ATG7: variants seen among roughly 807,000 people sequenced by gnomAD.
ATG7 encodes autophagy related 7.
Under a neutral mutation model 82.4 loss-of-function variants are expected in ATG7, and 70 were observed. That is an observed-to-expected ratio of 0.85 (90% confidence interval 0.70 to 1.04). The LOEUF (loss-of-function observed/expected upper bound fraction) is 1.04, where lower values mean the gene tolerates loss of function less well. ATG7 is among the 50% of genes least tolerant of loss of function. The pLI is 0.00. For synonymous variants in ATG7, 287 were observed against 313.0 expected (o/e 0.92, Z 0.88); for missense variants, 792 against 864.3 (o/e 0.92, Z 1.05).
chr3:11,416,978 A>G (rs1030281485), intron 19 of ATG7, among the ~76,000 whole-genome samples: 2 of 152,144 alleles, frequency 1.3e-5, no homozygotes, highest in African/African-American at 4.8e-5. Flanking sequence ...CCTTACATAT[A>G]TTGAGATATT....
rs112119821 is a variant in ATG7 at position 11,511,690 on chromosome 3, C to A, written c.2080-43121C>A. ...GCTCCGGCCGCACAGGAGCCCATGG[C>A]GGGGGTGGGAGGCTCAGGCATGGTG... On this transcript the variant is annotated intron_variant, in intron 20 of 20. Transcript: ENST00000693202. 3.1e-4 allele frequency among the ~76,000 whole-genome samples: 47 copies of A among 152,198 alleles called. No individual in the cohort carries two copies. The South Asian group carries it at 3.3e-3, about 11-fold the overall frequency.
chr3:11,382,717 C>T (rs2078006348), intron 19 of ATG7, among the ~76,000 whole-genome samples: 1 of 152,152 alleles, frequency 6.6e-6, no homozygotes, highest in South Asian at 2.1e-4. Context: ...AAAGAATTTC[C>T]TGTAGTGCAT....
At chr3:11,303,951 C>T (rs1213872770) in intron 5 of ATG7, among the ~76,000 whole-genome samples, 4 of 144,246 alleles carry the variant, frequency 2.8e-5, no homozygotes, top group Non-Finnish European at 3.0e-5. Context: ...ATTAGCCGGG[C>T]GTGGTGGCGG....
chr3:11,284,237 A>G (rs1236715791), intron 3 of ATG7, among the ~76,000 whole-genome samples: 2 of 152,148 alleles, frequency 1.3e-5, no homozygotes, highest in Non-Finnish European at 2.9e-5. Context: ...AAAATCCTAT[A>G]CTGGCTTGAT....
At chr3:11,451,847 C>CTT (rs1553675350) in intron 20 of ATG7, among the ~76,000 whole-genome samples, 1 of 148,906 alleles carries the variant, frequency 6.7e-6, no homozygotes, top group Non-Finnish European at 1.5e-5. Flanking sequence ...ATCTCTCTCT[C>CTT]TATATATATA....
rs150629792 is a variant in ATG7, at chr3:11,352,361, A to G, written c.1284+4326A>G. ...GCATGATTTATAATTCTTTGGGTAT[A>G]TACCCAGTAATGGGATGGTTGGGTC... On this transcript the variant is annotated intron_variant, in intron 14 of 20. Transcript: ENST00000693202. Among the ~76,000 whole-genome samples, 589 of 152,332 alleles carry G rather than the reference A, an allele frequency of 3.9e-3. 3 individuals are homozygous for G. Among genetic ancestry groups the G allele is most frequent in the Non-Finnish European group, 7.0e-3 (476 of 68,034 alleles).
At chr3:11,411,080 A>G (rs1481536955) in intron 19 of ATG7, among the ~76,000 whole-genome samples, 1 of 152,082 alleles carries the variant, frequency 6.6e-6, no homozygotes, top group African/African-American at 2.4e-5. Flanking sequence ...GTCTTTTTTT[A>G]TCGTCACATG....
At chr3:11,494,062 GTCT>G (rs1260500691) in intron 20 of ATG7, among the ~76,000 whole-genome samples, 1 of 152,242 alleles carries the variant, frequency 6.6e-6, no homozygotes, top group Non-Finnish European at 1.5e-5. Flanking sequence ...CAGGGATTCA[GTCT>G]GGGTCCTGCT....
chr3:11,370,519 G>T (rs535249251), intron 18 of ATG7, among the ~76,000 whole-genome samples: 2 of 151,082 alleles, frequency 1.3e-5, no homozygotes. Context: ...TTATTTATGC[G>T]AACTCCAAGC....
chr3:11,402,879 A>G (rs1487620865), intron 19 of ATG7, among the ~76,000 whole-genome samples: 1 of 152,214 alleles, frequency 6.6e-6, no homozygotes, highest in Non-Finnish European at 1.5e-5. Context: ...TAGACTTACC[A>G]GATTAATTTA....
chr3:11,322,447 ATC>A (rs1161967305), intron 9 of ATG7, among the ~76,000 whole-genome samples: 3 of 152,146 alleles, frequency 2.0e-5, no homozygotes, highest in African/African-American at 7.2e-5. Context: ...CCAGCTATAT[ATC>A]TCTGTTTTTA....
chr3:11,353,875 G>A (rs1476088829), intron 14 of ATG7, among the ~76,000 whole-genome samples: 2 of 152,154 alleles, frequency 1.3e-5, no homozygotes, highest in Non-Finnish European at 2.9e-5. Flanking sequence ...CTTTATAGCA[G>A]TGTGAAATGG....
chr3:11,557,208 T>A lies in ATG7; in HGVS notation c.*2365T>A, dbSNP rs2072517459. ...CTGTGTCTGTCATGCTTGCTTCATC[T>A]AATTTCTAGTTAGTAGCTATTAATA... On this transcript the variant is annotated 3_prime_UTR_variant, in exon 21 of 21. Coordinates refer to ENST00000693202, the MANE Select transcript of ATG7 (RefSeq NM_001349232.2). The A allele has an allele frequency of 6.5e-6, 1 of 152,812 alleles. No homozygotes were observed. Among genetic ancestry groups the A allele is most frequent in the Non-Finnish European group, 1.5e-5 (1 of 68,044 alleles). The allele number at this position is 152,812 out of a possible 1,614,324, so 9.5% of individuals were successfully genotyped here.
At position 11,516,349 on chromosome 3, in the gene ATG7, A is replaced by T. The variant is rs567621147; in HGVS notation, c.2080-38462A>T. ...CTTAAAGTATAATAATAATAAAATT[A>T]AAAAAAAAAAGATGTTCCACATCAT... is the stretch of plus-strand genomic sequence containing the variant. On this transcript the variant is annotated intron_variant, in intron 20 of 20. Transcript: ENST00000693202. Among the ~76,000 whole-genome samples the T allele has an allele frequency of 3.3e-3, 481 of 146,184 alleles. 6 individuals carry two copies. Among genetic ancestry groups the T allele is most frequent in the Non-Finnish European group, 6.0e-3 (395 of 65,922 alleles).
intron 13 of ATG7, among the ~76,000 whole-genome samples, chr3:11,344,427 A>G (rs1954163483): frequency 6.6e-6 from 1 of 152,240 alleles, no homozygotes; most frequent in Non-Finnish European, 1.5e-5. Context: ...CTGCACGTTT[A>G]TATCAGAAAT....
chr3:11,512,778 C>T (rs1050382211), intron 20 of ATG7, among the ~76,000 whole-genome samples: 22 of 152,192 alleles, frequency 1.4e-4, no homozygotes, highest in Admixed American at 6.5e-4. Context: ...GGGACCTGAG[C>T]GGGTTGCCAT....
chr3:11,538,922 G>A (rs983444018), intron 20 of ATG7, among the ~76,000 whole-genome samples: 1 of 151,422 alleles, frequency 6.6e-6, no homozygotes, highest in African/African-American at 2.4e-5. Context: ...GAGAATGAGT[G>A]ACTGAAGGAA....
chr3:11,542,907 C>T (rs1027458317), intron 20 of ATG7, among the ~76,000 whole-genome samples: 1 of 152,312 alleles, frequency 6.6e-6, no homozygotes, highest in East Asian at 1.9e-4. Flanking sequence ...AGACTCCTAG[C>T]TCCTTGTCAG....
intron 20 of ATG7, among the ~76,000 whole-genome samples, chr3:11,441,233 T>G (rs1234261778): frequency 1.3e-5 from 2 of 152,116 alleles, no homozygotes; most frequent in Non-Finnish European, 2.9e-5. Flanking sequence ...GAAAGTTGGA[T>G]TTTTAAATTT....
Sources: gnomAD v4.1 joint callset for allele counts (sites outside exome capture counted in the v4.1 genomes callset) on GRCh38, gnomAD v4.1.1 for gene constraint, MANE v1.5 for transcripts, NCBI Gene and HGNC (gene_info 2026-07-23, HGNC 2026-07-21) for gene names.